DACH2: variants seen among roughly 807,000 people sequenced by gnomAD.
DACH2 encodes the protein dachshund homolog 2.
A neutral mutation model predicts 35.8 loss-of-function variants in DACH2; 17 were observed. The observed-to-expected ratio is 0.48, with a 90% confidence interval of 0.33 to 0.71. The LOEUF is 0.71. Among genes scored for constraint, DACH2 ranks in the 30% least tolerant of loss-of-function variants. DACH2 has a pLI of 0.02. For synonymous variants in DACH2, 195 were observed against 177.3 expected (o/e 1.10, Z -0.79); for missense variants, 469 against 472.7 (o/e 0.99, Z 0.07).
chrX:86,452,892 C>A (rs1465506836), intron 2 of DACH2, among the ~76,000 whole-genome samples: 4 of 110,936 alleles, frequency 3.6e-5, no homozygotes, highest in African/African-American at 1.3e-4. Context: ...TTCTCTAGTT[C>A]TTTTAGTTGT....
At chrX:86,546,475 C>T (rs772872824) in intron 3 of DACH2, among the ~76,000 whole-genome samples, 11 of 86,985 alleles carry the variant, frequency 1.3e-4, no homozygotes, top group African/African-American at 5.2e-4. Context: ...TCTTATTCTT[C>T]CTCTTCTTCC....
intron 2 of DACH2, among the ~76,000 whole-genome samples, chrX:86,474,992 C>A (rs1196233531): frequency 1.8e-5 from 2 of 111,555 alleles, no homozygotes; most frequent in Non-Finnish European, 3.8e-5. Flanking sequence ...CCTCTGCCTC[C>A]CAAAGTGCTG....
chrX:86,618,115 T>C (rs1249773375), intron 3 of DACH2, among the ~76,000 whole-genome samples: 1 of 111,461 alleles, frequency 9.0e-6, no homozygotes, highest in East Asian at 2.8e-4. Flanking sequence ...ATCTCATATA[T>C]TTAGCCAGAC....
At chrX:86,571,303 A>G (rs2039364085) in intron 3 of DACH2, among the ~76,000 whole-genome samples, 1 of 110,234 alleles carries the variant, frequency 9.1e-6, no homozygotes, top group Admixed American at 9.8e-5. Context: ...TCTTTTTATT[A>G]TTATTATTAT....
At chrX:86,534,167 G>A (rs2038763269) in intron 3 of DACH2, among the ~76,000 whole-genome samples, 1 of 111,858 alleles carries the variant, frequency 8.9e-6, no homozygotes, top group South Asian at 3.7e-4. Context: ...ACGAAGTTAG[G>A]GAGAGCAGCT....
At chrX:86,596,765 C>T (rs1390537344) in intron 3 of DACH2, among the ~76,000 whole-genome samples, 1 of 110,902 alleles carries the variant, frequency 9.0e-6, no homozygotes, top group African/African-American at 3.3e-5. Flanking sequence ...TGCTTGTCCC[C>T]TCAGTGCCAT....
intron 4 of DACH2, among the ~76,000 whole-genome samples, chrX:86,690,813 G>T (rs1184201724): frequency 1.6e-4 from 18 of 111,938 alleles, no homozygotes; most frequent in African/African-American, 5.8e-4. Context: ...TATTGGTAAA[G>T]TTGGGATTAA....
At chrX:86,282,603 C>A (rs967863285) in intron 1 of DACH2, among the ~76,000 whole-genome samples, 3 of 110,670 alleles carry the variant, frequency 2.7e-5, no homozygotes, top group African/African-American at 9.9e-5. Flanking sequence ...GATTAAAACA[C>A]CAAAAGCCCT....
chrX:86,433,494 ATTTCT>A (rs1348374600), intron 2 of DACH2, among the ~76,000 whole-genome samples: 3 of 112,199 alleles, frequency 2.7e-5, no homozygotes, highest in Non-Finnish European at 1.9e-5. Context: ...TGTTTGTAAC[ATTTCT>A]TTTCTTCCTT....
intron 3 of DACH2, among the ~76,000 whole-genome samples, chrX:86,563,005 T>C (rs1486332852): frequency 9.0e-6 from 1 of 111,484 alleles, no homozygotes; most frequent in Non-Finnish European, 1.9e-5. Flanking sequence ...GAAAGTAATA[T>C]ACAGAATATT....
chrX:86,769,994 T>G (rs1691052737), intron 7 of DACH2, among the ~76,000 whole-genome samples: 1 of 104,418 alleles, frequency 9.6e-6, no homozygotes, highest in Admixed American at 1.0e-4. Context: ...AGACCCCTTC[T>G]CTATAAAAAA....
At chrX:86,409,091 G>T (rs927728916) in intron 2 of DACH2, among the ~76,000 whole-genome samples, 7 of 111,338 alleles carry the variant, frequency 6.3e-5, no homozygotes, top group African/African-American at 2.3e-4. Flanking sequence ...AAAATATTTG[G>T]ATGATTATCT....
intron 2 of DACH2, among the ~76,000 whole-genome samples, chrX:86,461,397 T>C (rs759179997): frequency 9.0e-6 from 1 of 111,360 alleles, no homozygotes; most frequent in East Asian, 2.8e-4. Context: ...GACTGTTGTA[T>C]TGGGGGGTGG....
chrX:86,629,508 G>T lies in DACH2; in HGVS notation c.641-21528G>T, dbSNP rs185853787. 2.9e-3 allele frequency among the ~76,000 whole-genome samples: 325 copies of T among 111,403 alleles called. 2 individuals carry two copies. The highest frequency in any genetic ancestry group is 0.01 in the African/African-American group (310 of 30,676). On this transcript the variant is annotated intron_variant, in intron 3 of 11. Transcript: ENST00000373125. ...TCAAATTTTCTTAAACAAGAAGATT[G>T]TCTATTCAGTGGTACCAGAAAGACA...
At chrX:86,749,153 C>T (rs1016832622) in intron 7 of DACH2, among the ~76,000 whole-genome samples, 1 of 111,872 alleles carries the variant, frequency 8.9e-6, no homozygotes, top group African/African-American at 3.2e-5. Flanking sequence ...CAGATAACTA[C>T]AAGTTTCTCC....
rs764775335 is a variant in DACH2, at chrX:86,654,187, T to TAAA, written c.772+3045_772+3047dup. ...GGCCCTGTCTCCCAAACATTTTTAGTAAAAAAAAAAAAAAAAAAAAAAAAA... is the reference window on the plus strand; with the variant it reads ...GGCCCTGTCTCCCAAACATTTTTAGTAAAAAAAAAAAAAAAAAAAAAAAAAAAA... On this transcript the variant is annotated intron_variant, in intron 4 of 11. Transcript: ENST00000373125. Among the ~76,000 whole-genome samples, 53 of 40,445 alleles carry TAAA rather than the reference T, an allele frequency of 1.3e-3. 4 individuals carry two copies. Among genetic ancestry groups the TAAA allele is most frequent in the African/African-American group, 1.4e-3 (17 of 12,559 alleles). The allele number at this position is 40,445 out of a possible 115,157, so 35.1% of individuals were successfully genotyped here.
At chrX:86,481,383 T>C (rs2037932894) in intron 2 of DACH2, 1 of 111,736 alleles carries the variant, frequency 8.9e-6, no homozygotes, top group Admixed American at 9.5e-5. Context: ...GTTTTGTGAG[T>C]CATTTGCTGA....
intron 2 of DACH2, among the ~76,000 whole-genome samples, chrX:86,380,379 A>G (rs2036028826): frequency 9.0e-6 from 1 of 110,655 alleles, no homozygotes; most frequent in Non-Finnish European, 1.9e-5. Flanking sequence ...TAACCGGCCA[A>G]ATGGAATCAG....
intron 2 of DACH2, among the ~76,000 whole-genome samples, chrX:86,395,760 G>C (rs1344782276): frequency 8.9e-6 from 1 of 111,992 alleles, no homozygotes; most frequent in East Asian, 2.8e-4. Context: ...GTGTATATGT[G>C]CCACATTTTG....
Sources: allele counts gnomAD v4.1 joint callset (sites outside exome capture counted in the v4.1 genomes callset), GRCh38; gene constraint gnomAD v4.1.1; transcripts MANE v1.5; gene names NCBI Gene and HGNC (gene_info 2026-07-23, HGNC 2026-07-21).